Variants in ZNF45 observed in about 807,000 individuals in gnomAD.
ZNF45 encodes BRC1744.
Under a neutral mutation model 12.0 loss-of-function variants are expected in ZNF45, and 4 were observed. The observed-to-expected ratio is 0.33, with a 90% CI of 0.16 to 0.76. The LOEUF (loss-of-function observed/expected upper bound fraction) is 0.76. ZNF45 is among the 30% of genes least tolerant of loss of function. The pLI, the probability that ZNF45 is intolerant of heterozygous loss-of-function variation, is 0.60. For missense variants in ZNF45, 700 were observed against 813.0 expected (o/e 0.86, Z 1.69); for synonymous variants, 272 against 279.6 (o/e 0.97, Z 0.27).
Position 43,924,512 on chromosome 19 carries a change from C to T in ZNF45, c.-216G>A, listed in dbSNP as rs2147051764. On this transcript the variant is annotated 5_prime_UTR_variant, in exon 5 of 10. Transcript: ENST00000269973. Reference sequence around the variant, plus strand: ...CAAGAGGCAGGAACAGTACCTGAATCCAGCTTTCATACCAGAGCCAGTATT... The same window carrying T: ...CAAGAGGCAGGAACAGTACCTGAATTCAGCTTTCATACCAGAGCCAGTATT... The T allele has an allele frequency of 6.6e-6, 1 of 152,328 alleles. No individual in the cohort carries two copies. The highest frequency in any genetic ancestry group is 1.9e-4 in the East Asian group (1 of 5,190). 9.4% of individuals were successfully genotyped at this position (152,328 alleles called of 1,614,324 possible).
At chr19:43,917,546 C>T (rs1009946795) in intron 9 of ZNF45, among the ~76,000 whole-genome samples, 3 of 152,026 alleles carry the variant, frequency 2.0e-5, no homozygotes, top group Admixed American at 6.6e-5. Flanking sequence ...AGTGCAATGG[C>T]GCGCTGTAGG....
chr19:43,930,062 G>A (rs536823039), intron 3 of ZNF45: 2 of 152,364 alleles, frequency 1.3e-5, no homozygotes, highest in Non-Finnish European at 2.9e-5. Context: ...AGGATGGGAA[G>A]TCTAAGATCA....
At chr19:43,922,050 AC>A in intron 7 of ZNF45, 120 bp downstream of exon 7, 2 of 938,870 alleles carry the variant, frequency 2.1e-6, no homozygotes, top group Non-Finnish European at 3.1e-6. Context: ...AGCATTTGGC[AC>A]ACAAGAGGTT....
At chr19:43,915,256 G>A (rs1972544171) in intron 9 of ZNF45, 56 bp from the exon 10 acceptor site, 2 of 1,434,498 alleles carry the variant, frequency 1.4e-6, no homozygotes, top group Non-Finnish European at 1.8e-6. Context: ...TTTGTTCCAA[G>A]ATGTCAAGTT....
chr19:43,919,027 T>C (rs886692400), intron 8 of ZNF45, 65 bp from the exon 9 acceptor site: 1 of 1,349,158 alleles, frequency 7.4e-7, no homozygotes, highest in South Asian at 1.2e-5. Flanking sequence ...CTCAAAATTA[T>C]TGTCCTCATT....
At chr19:43,920,599 G>GTTTTTT (rs61470860) in intron 7 of ZNF45, among the ~76,000 whole-genome samples, 3 of 76,078 alleles carry the variant, frequency 3.9e-5, no homozygotes, top group South Asian at 6.8e-4. Context: ...TATCGTATTG[G>GTTTTTT]TTTTTTTTTT....
intron 2 of ZNF45, among the ~76,000 whole-genome samples, chr19:43,933,048 T>C (rs1974262649): frequency 6.6e-6 from 1 of 152,222 alleles, no homozygotes; most frequent in Admixed American, 6.5e-5. Context: ...GGTGACACCT[T>C]GATTTTGGAC....
intron 3 of ZNF45, among the ~76,000 whole-genome samples, chr19:43,925,938 T>A (rs1323538501): frequency 6.6e-6 from 1 of 152,224 alleles, no homozygotes; most frequent in Non-Finnish European, 1.5e-5. Context: ...CAGCCTGAAA[T>A]ACTCTTTTAG....
At chr19:43,921,025 G>A (rs1368629947) in intron 7 of ZNF45, among the ~76,000 whole-genome samples, 1 of 152,192 alleles carries the variant, frequency 6.6e-6, no homozygotes, top group East Asian at 1.9e-4. Flanking sequence ...AGAGTGAATC[G>A]AGTAGGGGCA....
intron 3 of ZNF45, chr19:43,926,650 A>G (rs776395469): frequency 3.9e-5 from 6 of 152,244 alleles, no homozygotes; most frequent in Non-Finnish European, 7.3e-5. Context: ...ACATGGCTAA[A>G]TGCCAGAGTA....
chr19:43,915,680 C>T (rs1323306999), intron 9 of ZNF45, among the ~76,000 whole-genome samples: 1 of 152,084 alleles, frequency 6.6e-6, no homozygotes, highest in Non-Finnish European at 1.5e-5. Context: ...CTATCGTGAA[C>T]TGCGCGTGCG....
Position 43,935,214 on chromosome 19 carries a change from C to G in ZNF45, c.-1046G>C, listed in dbSNP as rs1974411871. ...TAAAAGTTAAAACAGGTCGCGGGGT[C>G]CCAGGACTCACTCACTTCCACGAGA... On this transcript the variant is annotated 5_prime_UTR_variant, in exon 1 of 10. Transcript: ENST00000269973. 1 of 152,284 alleles carries G rather than the reference C, an allele frequency of 6.6e-6. No individual in the cohort carries two copies. The highest frequency in any genetic ancestry group is 2.4e-5 in the African/African-American group (1 of 41,462). 9.4% of individuals were successfully genotyped at this position (152,284 alleles called of 1,614,324 possible).
chr19:43,914,733 G>T lies in ZNF45; in HGVS notation c.703C>A (p.Leu235Ile). 2.5e-6 allele frequency: 4 copies of T among 1,614,172 alleles called. No individual in the cohort carries two copies. Among genetic ancestry groups the T allele is most frequent in the African/African-American group, 2.7e-5 (2 of 75,046 alleles). ...SYRSFSQRSH[L>I]PHHQRVPTGE... ...GTGGGAACTCTCTGATGATGGGGAAGATGTGACCTCTGACTAAAACTCCTG... is the reference window on the plus strand; with the variant it reads ...GTGGGAACTCTCTGATGATGGGGAATATGTGACCTCTGACTAAAACTCCTG... Residue 235 changes from leucine (L) to isoleucine (I), a missense_variant, in exon 10 of 10, where the codon CTT becomes ATT. Transcript: ENST00000269973.
rs1252845179 is a variant in ZNF45 at position 43,914,896 on chromosome 19, T to C, written c.540A>G (p.Gln180=). 2.5e-6 allele frequency: 4 copies of C among 1,612,784 alleles called. No homozygotes were observed. Among genetic ancestry groups the C allele is most frequent in the Non-Finnish European group, 3.4e-6 (4 of 1,178,918 alleles). ...VKSFSWSSHL[Q]INQRAHAGEK... ...CTCCTGCATGAGCCCTTTGGTTAAT[T>C]TGAAGATGAGAGCTCCAGCTGAAAC... is the stretch of plus-strand genomic sequence containing the variant. The change falls in exon 10 of 10, where the codon CAA becomes CAG. Residue 180 remains glutamine, a synonymous_variant. Coordinates refer to ENST00000269973, the MANE Select transcript of ZNF45 (RefSeq NM_003425.4).
chr19:43,924,789 GTCTAA>G (rs1479528867), intron 4 of ZNF45, among the ~76,000 whole-genome samples: 3 of 152,198 alleles, frequency 2.0e-5, no homozygotes, highest in African/African-American at 7.2e-5. Context: ...GTGCTCTAAT[GTCTAA>G]TCTATAAACT....
intron 3 of ZNF45, among the ~76,000 whole-genome samples, chr19:43,931,852 G>A (rs989679074): frequency 1.3e-5 from 2 of 152,142 alleles, no homozygotes; most frequent in African/African-American, 2.4e-5. Context: ...GCTCTGCCCC[G>A]CTGATTGTGC....
In ZNF45 at chr19:43,913,913, G is replaced by A. The variant is rs1443532602; in HGVS notation, c.1523C>T (p.Ala508Val). ...CTGAAGGCTGGAGAACTGACTGAAGGCCTTACCACACCTCTCGCATTTATA... is the reference window on the plus strand; with the variant it reads ...CTGAAGGCTGGAGAACTGACTGAAGACCTTACCACACCTCTCGCATTTATA... ...KPYKCERCGK[A>V]FSQFSSLQVH... The change falls in exon 10 of 10, where the codon GCC becomes GTC. Residue 508 changes from alanine (A) to valine (V), a missense_variant. By Grantham distance (64) the Ala-to-Val change is moderately conservative. Transcript: ENST00000269973. The A allele has an allele frequency of 6.3e-7, 1 of 1,599,786 alleles. No homozygotes were observed. The highest frequency in any genetic ancestry group is 8.5e-7 in the Non-Finnish European group (1 of 1,170,950).
At chr19:43,917,778 G>A (rs1416622276) in intron 9 of ZNF45, among the ~76,000 whole-genome samples, 2 of 152,096 alleles carry the variant, frequency 1.3e-5, no homozygotes, top group East Asian at 1.9e-4. Flanking sequence ...GAGCCACCAT[G>A]ACTGGCTGCA....
intron 8 of ZNF45, among the ~76,000 whole-genome samples, chr19:43,919,295 T>C (rs991838211): frequency 2.6e-5 from 4 of 152,064 alleles, no homozygotes; most frequent in African/African-American, 7.2e-5. Context: ...AAAAAACCAA[T>C]GGTACAATTC....
Sources: gnomAD v4.1 joint callset for allele counts (sites outside exome capture counted in the v4.1 genomes callset) on GRCh38, gnomAD v4.1.1 for gene constraint, MANE v1.5 for transcripts, NCBI Gene and HGNC (gene_info 2026-07-23, HGNC 2026-07-21) for gene names.